CHPT1: variants seen among roughly 807,000 people sequenced by gnomAD.
CHPT1 encodes the protein cholinephosphotransferase 1.
A neutral mutation model predicts 47.6 loss-of-function variants in CHPT1; 36 were observed. The ratio of observed to expected loss-of-function variants is 0.76; its 90% CI spans 0.58 to 1.00. CHPT1 has a LOEUF of 1.00. CHPT1 is among the 50% of genes least tolerant of loss of function. The pLI, the probability that CHPT1 is intolerant of heterozygous loss-of-function variation, is 0.00. For synonymous variants in CHPT1, 194 were observed against 186.3 expected (o/e 1.04, Z -0.33); for missense variants, 458 against 498.1 (o/e 0.92, Z 0.77).
At chr12:101,704,287 A>G (rs1951598024) in intron 1 of CHPT1, among the ~76,000 whole-genome samples, 1 of 151,642 alleles carries the variant, frequency 6.6e-6, no homozygotes, top group Non-Finnish European at 1.5e-5. Flanking sequence ...TATATTATCT[A>G]TACTTGCTTT....
intron 4 of CHPT1, among the ~76,000 whole-genome samples, chr12:101,718,166 T>C (rs1158203259): frequency 1.3e-5 from 2 of 152,198 alleles, no homozygotes; most frequent in African/African-American, 2.4e-5. Flanking sequence ...TTTAGGGCAG[T>C]AAAACTATTT....
Position 101,697,884 on chromosome 12 carries a change from G to A in CHPT1, c.23G>A (p.Gly8Glu), listed in dbSNP as rs953382513. The change falls in exon 1 of 9, where the codon GGG becomes GAG. Residue 8 changes from glycine to glutamate, a missense_variant. Transcript: ENST00000229266. Reference sequence around the variant, plus strand: ...GCCATGGCGGCAGGCGCCGGGGCCGGGTCCGCGCCGCGCTGGCTGAGGGCG... The same window carrying A: ...GCCATGGCGGCAGGCGCCGGGGCCGAGTCCGCGCCGCGCTGGCTGAGGGCG... The part of the protein sequence containing the change: MAAGAGA[G>E]SAPRWLRALS... 3.3e-5 allele frequency: 41 copies of A among 1,230,390 alleles called. No homozygotes were observed. The highest frequency in any genetic ancestry group is 4.1e-5 in the Non-Finnish European group (40 of 987,598). The allele number at this position is 1,230,390 out of a possible 1,614,324, so 76.2% of individuals were successfully genotyped here.
intron 1 of CHPT1, among the ~76,000 whole-genome samples, chr12:101,713,676 G>T (rs764168662): frequency 2.2e-5 from 3 of 134,386 alleles, no homozygotes; most frequent in Admixed American, 7.9e-5. Flanking sequence ...GTTATATAAG[G>T]TGGGAGAGCA....
At chr12:101,725,744 TCTC>T (rs1337783343) in intron 7 of CHPT1, among the ~76,000 whole-genome samples, 1 of 152,074 alleles carries the variant, frequency 6.6e-6, no homozygotes, top group East Asian at 1.9e-4. Context: ...GAGCTATGAG[TCTC>T]CTTTTTCTCC....
intron 5 of CHPT1, among the ~76,000 whole-genome samples, chr12:101,722,396 C>T (rs1951864185): frequency 6.6e-6 from 1 of 152,004 alleles, no homozygotes; most frequent in African/African-American, 2.4e-5. Context: ...TTAATAACCT[C>T]AATACCAAAT....
intron 3 of CHPT1, 56 bp downstream of exon 3, chr12:101,714,701 A>G (rs1178694468): frequency 1.3e-6 from 2 of 1,516,370 alleles, no homozygotes; most frequent in Non-Finnish European, 1.8e-6. Context: ...CATTTGCACA[A>G]TCTGTTATGT....
rs1594139514 is a variant in CHPT1 at position 101,719,932 on chromosome 12, A to T, written c.649-191A>T. 1.8e-5 allele frequency: 6 copies of T among 337,644 alleles called. No homozygotes were observed. The East Asian group carries it at 3.4e-4, about 19-fold the overall frequency. 20.9% of individuals were successfully genotyped at this position (337,644 alleles called of 1,614,324 possible). A position where few individuals can be genotyped will look rare whatever the true frequency, so the allele number is the denominator to read the frequency against. ...GGCTAGTCTACAAAAAATAATAAAAATTTAAAAACTAAAAAAAAAAGTTAA... is the reference window on the plus strand; with the variant it reads ...GGCTAGTCTACAAAAAATAATAAAATTTTAAAAACTAAAAAAAAAAGTTAA... On this transcript the variant is annotated intron_variant, in intron 4 of 8. Coordinates refer to ENST00000229266, the MANE Select transcript of CHPT1 (RefSeq NM_020244.3).
intron 4 of CHPT1, 51 bp downstream of exon 4, chr12:101,716,863 A>G: frequency 8.7e-7 from 1 of 1,151,278 alleles, no homozygotes; most frequent in Non-Finnish European, 1.2e-6. Flanking sequence ...AATATTTAGG[A>G]AAAAGTATTG....
intron 5 of CHPT1, among the ~76,000 whole-genome samples, chr12:101,721,990 C>T (rs899552336): frequency 3.3e-5 from 5 of 151,140 alleles, no homozygotes; most frequent in African/African-American, 7.3e-5. Context: ...ACCTGGGAGG[C>T]GGAGGTTGCA....
At chr12:101,723,110 T>C in intron 5 of CHPT1, 58 bp from the exon 6 acceptor site, 1 of 1,461,010 alleles carries the variant, frequency 6.8e-7, no homozygotes, top group South Asian at 1.2e-5. Context: ...AGAAAATGTC[T>C]ACATTGTAAT....
At chr12:101,701,744 C>T (rs141291655) in intron 1 of CHPT1, among the ~76,000 whole-genome samples, 1 of 152,074 alleles carries the variant, frequency 6.6e-6, no homozygotes, top group African/African-American at 2.4e-5. Context: ...TTACATCAAA[C>T]AGATGCTTAT....
At chr12:101,728,750 C>G in intron 8 of CHPT1, 151 bp from the exon 9 acceptor site, 1 of 812,720 alleles carries the variant, frequency 1.2e-6, no homozygotes, top group Non-Finnish European at 1.9e-6. Context: ...GGAATAGTTG[C>G]TAACTAACTC....
intron 3 of CHPT1, 86 bp from the exon 4 acceptor site, chr12:101,716,642 T>C: frequency 2.7e-6 from 2 of 744,712 alleles, no homozygotes; most frequent in South Asian, 2.0e-5. Context: ...GATTTTTACA[T>C]CTTTGCTATT....
Position 101,697,861 on chromosome 12 carries a change from C to T in CHPT1, c.-1C>T. 8.6e-7 allele frequency: 1 copy of T among 1,160,640 alleles called. No homozygotes were observed. Among genetic ancestry groups the T allele is most frequent in the Middle Eastern group, 3.5e-4 (1 of 2,846 alleles). 71.9% of individuals were successfully genotyped at this position (1,160,640 alleles called of 1,614,324 possible). A position where few individuals can be genotyped will look rare whatever the true frequency, so the allele number is the denominator to read the frequency against. On this transcript the variant is annotated 5_prime_UTR_variant, in exon 1 of 9. Transcript: ENST00000229266. ...GGCGGCGGCGGGGCCCTCAGGCGGC[C>T]ATGGCGGCAGGCGCCGGGGCCGGGT...
chr12:101,717,741 T>C (rs1566040810), intron 4 of CHPT1, among the ~76,000 whole-genome samples: 1 of 152,188 alleles, frequency 6.6e-6, no homozygotes, highest in Non-Finnish European at 1.5e-5. Flanking sequence ...AACATAGTTT[T>C]GTGGTAAACA....
chr12:101,697,954 G>A lies in CHPT1; in HGVS notation c.93G>A (p.Glu31=), dbSNP rs770126914. The change falls in exon 1 of 9, where the codon GAG becomes GAA. Residue 31 remains glutamate (E), a synonymous_variant. Coordinates refer to ENST00000229266, the MANE Select transcript of CHPT1 (RefSeq NM_020244.3). ...CGGCGCAGCTGCGGCGACTGGAGGA[G>A]CACCGCTACAGCGCGGCGGGCGTCT... ...LSAAQLRRLE[E]HRYSAAGVSL... The A allele has an allele frequency of 3.2e-6, 5 of 1,545,682 alleles. No homozygotes were observed. The highest frequency in any genetic ancestry group is 1.4e-5 in the African/African-American group (1 of 70,582).
chr12:101,701,366 T>C (rs1162650051), intron 1 of CHPT1, among the ~76,000 whole-genome samples: 1 of 152,202 alleles, frequency 6.6e-6, no homozygotes, highest in Non-Finnish European at 1.5e-5. Flanking sequence ...CACTCTGAAT[T>C]CCCATGATAA....
intron 1 of CHPT1, among the ~76,000 whole-genome samples, chr12:101,699,667 G>GTGC (rs1951524762): frequency 6.6e-6 from 1 of 152,166 alleles, no homozygotes; most frequent in South Asian, 2.1e-4. Context: ...GTATTTACAG[G>GTGC]AGTGAGCCAC....
intron 4 of CHPT1, among the ~76,000 whole-genome samples, chr12:101,718,381 CA>C (rs1951796002): frequency 6.6e-6 from 1 of 152,006 alleles, no homozygotes; most frequent in African/African-American, 2.4e-5. Context: ...CTTTTCCACT[CA>C]AATTTTGTTG....
Sources: allele counts gnomAD v4.1 joint callset (sites outside exome capture counted in the v4.1 genomes callset), GRCh38; gene constraint gnomAD v4.1.1; transcripts MANE v1.5; gene names NCBI Gene and HGNC (gene_info 2026-07-23, HGNC 2026-07-21).